Variants in EFCC1 observed in about 807,000 individuals in gnomAD.
The protein encoded by EFCC1 is EF-hand and coiled-coil domain containing 1.
A neutral mutation model predicts 52.1 loss-of-function variants in EFCC1; 50 were observed. That is an observed-to-expected ratio of 0.96 (90% CI 0.76 to 1.21). The LOEUF is 1.21. Among genes scored for constraint, EFCC1 ranks in the 50% most tolerant of loss-of-function variants. The pLI is 0.00. For synonymous variants in EFCC1, 399 were observed against 396.5 expected, an observed-to-expected ratio of 1.01 and a Z score of -0.08; for missense variants, 837 against 867.3, an observed-to-expected ratio of 0.97 and a Z score of 0.44.
At chr3:129,035,770 T>C (rs1339869872) in intron 5 of EFCC1, among the ~76,000 whole-genome samples, 1 of 152,176 alleles carries the variant, frequency 6.6e-6, no homozygotes, top group Admixed American at 6.5e-5. Context: ...ATGGCGGTTA[T>C]GTGCTGAAGC....
intron 2 of EFCC1, among the ~76,000 whole-genome samples, chr3:129,006,233 T>C (rs984329138): frequency 9.9e-5 from 15 of 152,198 alleles, no homozygotes; most frequent in African/African-American, 3.6e-4. Flanking sequence ...CCTCCAGACC[T>C]TGCATCTGCT....
chr3:129,004,896 G>C (rs1380306023), intron 2 of EFCC1, among the ~76,000 whole-genome samples: 1 of 152,142 alleles, frequency 6.6e-6, no homozygotes, highest in African/African-American at 2.4e-5. Context: ...ACGTGTGAGT[G>C]TGGGCAAGTC....
rs375607681 is a variant in EFCC1, at chr3:129,021,971, G to A, written c.981-8732G>A. 7.9e-5 allele frequency among the ~76,000 whole-genome samples: 12 copies of A among 152,266 alleles called. No homozygotes were observed. In the South Asian group the frequency reaches 1.0e-3, roughly 13 times the overall value. Reference sequence around the variant, plus strand: ...CACAGGGCCATTGTAGAAAGAGGGCGTCAGTGTGTTAGGGTTGGGGTCCTC... The same window carrying A: ...CACAGGGCCATTGTAGAAAGAGGGCATCAGTGTGTTAGGGTTGGGGTCCTC... On this transcript the variant is annotated intron_variant, in intron 2 of 7. Transcript: ENST00000683648.
chr3:129,030,316 TG>T lies in EFCC1; in HGVS notation c.981-386del, dbSNP rs1946245764. On this transcript the variant is annotated intron_variant, in intron 2 of 7. Transcript: ENST00000683648. ...AACAGCTAAAAGACATTAAGGCTTT[TG>T]TTCAGCTATTCAGTAATTCTCTCAG... The T allele has an allele frequency of 1.2e-5, 2 of 162,090 alleles. 1 individual carries two copies. Among genetic ancestry groups the T allele is most frequent in the African/African-American group, 4.8e-5 (2 of 41,840 alleles). The allele number at this position is 162,090 out of a possible 1,614,324, so 10.0% of individuals were successfully genotyped here.
rs771025629 is a variant in EFCC1 at position 129,010,232 on chromosome 3, C to T, written c.980+6155C>T. Among the ~76,000 whole-genome samples, 2 of 152,256 alleles carry T rather than the reference C, an allele frequency of 1.3e-5. No individual in the cohort carries two copies. The highest frequency in any genetic ancestry group is 2.4e-5 in the African/African-American group (1 of 41,466). The stretch of plus-strand genomic sequence containing the variant: ...GGTCTCTGGTGGGTTTGTGACATCT[C>T]GTCCTTTTGAAACCGCCCATATCTC... On this transcript the variant is annotated intron_variant, in intron 2 of 7. Coordinates refer to ENST00000683648, the MANE Select transcript of EFCC1 (RefSeq NM_001377500.1). This position sits in a 1 kb window ranked among gnomAD's most constrained non-coding sequence, Gnocchi z 4.3.
intron 2 of EFCC1, 49 bp downstream of exon 2, chr3:129,004,126 A>C: frequency 7.1e-7 from 1 of 1,418,294 alleles, no homozygotes; most frequent in Non-Finnish European, 9.2e-7. Flanking sequence ...TTCGGCTCCC[A>C]TTTTCCCAAA....
At position 129,004,034 on chromosome 3, in the gene EFCC1, C is replaced by T. The variant is rs546752344; in HGVS notation, c.937C>T (p.Gln313Ter). 3.3e-6 allele frequency: 5 copies of T among 1,511,076 alleles called. No individual in the cohort carries two copies. The highest frequency in any genetic ancestry group is 1.2e-5 in the South Asian group (1 of 82,862). The allele number at this position is 1,511,076 out of a possible 1,614,324, so 93.6% of individuals were successfully genotyped here. ...GCTGGCGCAACAGGTGCCCGGCTTG[C>T]AGCGCTGGGTGCGGCGGCTGGAGGC... ...EALAQQVPGL[Q>*]RWVRRLEAEL... is the part of the protein sequence containing the mutation. The change falls in exon 2 of 8, where the codon CAG becomes TAG. Residue 313 changes from glutamine (Q) to a stop codon, truncating the protein, a stop_gained. Transcript: ENST00000683648. LOFTEE classifies it high-confidence loss of function.
chr3:129,002,190 G>T lies in EFCC1; in HGVS notation c.562G>T (p.Ala188Ser), dbSNP rs1944813931. The change falls in exon 1 of 8, where the codon GCG becomes TCG. Residue 188 changes from alanine (A) to serine (S), a missense_variant. Physicochemically the swap from Ala to Ser is moderately conservative, Grantham distance 99 (BLOSUM62 1). Coordinates refer to ENST00000683648, the MANE Select transcript of EFCC1 (RefSeq NM_001377500.1). ...GCGCCGCCGCCGCCGCCCGCCCTGC[G>T]CGCCTGGCCCCGACAGCGGTCCTGA... ...RPRRRRRPPC[A>S]PGPDSGPDCE... is the part of the protein sequence containing the mutation. 2.7e-6 allele frequency: 4 copies of T among 1,497,914 alleles called. No homozygotes were observed. In the African/African-American group the frequency reaches 5.9e-5, roughly 22 times the overall value. The allele number at this position is 1,497,914 out of a possible 1,614,324, so 92.8% of individuals were successfully genotyped here.
intron 5 of EFCC1, among the ~76,000 whole-genome samples, chr3:129,035,526 G>A (rs1946344021): frequency 6.6e-6 from 1 of 152,232 alleles, no homozygotes; most frequent in Non-Finnish European, 1.5e-5. Context: ...AAGGTAGCAG[G>A]CCCTGGAGCG....
Position 129,010,233 on chromosome 3 carries a change from G to A in EFCC1, c.980+6156G>A, listed in dbSNP as rs775119665. Among the ~76,000 whole-genome samples, 1 of 152,224 alleles carries A rather than the reference G, an allele frequency of 6.6e-6. No individual in the cohort carries two copies. Among genetic ancestry groups the A allele is most frequent in the East Asian group, 1.9e-4 (1 of 5,192 alleles). On this transcript the variant is annotated intron_variant, in intron 2 of 7. Coordinates refer to ENST00000683648, the MANE Select transcript of EFCC1 (RefSeq NM_001377500.1). The surrounding 1 kb of genome is among the most constrained non-coding windows in gnomAD (Gnocchi z 4.3). ...GTCTCTGGTGGGTTTGTGACATCTC[G>A]TCCTTTTGAAACCGCCCATATCTCA...
chr3:129,002,058 C>T lies in EFCC1; in HGVS notation c.430C>T (p.Gln144Ter). ...CGAGCCGCCGGAGCTCACCTTCCGCCAGTTCCACGCGCGCCTCTGTGGCTA... is the reference window on the plus strand; with the variant it reads ...CGAGCCGCCGGAGCTCACCTTCCGCTAGTTCCACGCGCGCCTCTGTGGCTA... ...RAEPPELTFR[Q>*]FHARLCGYFG... The change falls in exon 1 of 8, where the codon CAG becomes TAG. Residue 144 changes from glutamine (Q) to a stop codon, truncating the protein, a stop_gained. Coordinates refer to ENST00000683648, the MANE Select transcript of EFCC1 (RefSeq NM_001377500.1). LOFTEE classifies it high-confidence loss of function. The T allele has an allele frequency of 1.9e-6, 3 of 1,539,866 alleles. No individual in the cohort carries two copies. Among genetic ancestry groups the T allele is most frequent in the Non-Finnish European group, 2.6e-6 (3 of 1,142,904 alleles).
chr3:129,001,932 G>A lies in EFCC1; in HGVS notation c.304G>A (p.Asp102Asn). 3 of 1,541,340 alleles carry A rather than the reference G, an allele frequency of 1.9e-6. No homozygotes were observed. The highest frequency in any genetic ancestry group is 2.6e-6 in the Non-Finnish European group (3 of 1,142,354). ...GATTAGQAAG[D>N]GNSRDVTPGD... Reference sequence around the variant, plus strand: ...CACCACGGCCGGGCAGGCAGCAGGTGACGGGAACTCCAGAGATGTGACCCC... The same window carrying A: ...CACCACGGCCGGGCAGGCAGCAGGTAACGGGAACTCCAGAGATGTGACCCC... Residue 102 changes from aspartate (D) to asparagine (N), a missense_variant, in exon 1 of 8, where the codon GAC becomes AAC. Transcript: ENST00000683648.
intron 2 of EFCC1, among the ~76,000 whole-genome samples, chr3:129,029,673 C>G (rs1946229000): frequency 6.6e-6 from 1 of 151,174 alleles, no homozygotes; most frequent in Non-Finnish European, 1.5e-5. Context: ...ACCTCCTGGG[C>G]TCCCAGGTTC....
At chr3:129,036,954 C>G (rs779572897) in intron 5 of EFCC1, 23 bp from the exon 6 acceptor site, 1 of 1,613,592 alleles carries the variant, frequency 6.2e-7, no homozygotes, top group Non-Finnish European at 8.5e-7. Flanking sequence ...GCAAAGTGAG[C>G]ACTGAGCCCC....
chr3:129,010,453 C>A lies in EFCC1; in HGVS notation c.980+6376C>A, dbSNP rs552336183. On this transcript the variant is annotated intron_variant, in intron 2 of 7. Transcript: ENST00000683648. The surrounding 1 kb of genome is among the most constrained non-coding windows in gnomAD (Gnocchi z 4.3). ...GCCGGAACAGGGAGGAGAGGCCTGG[C>A]GGCCTGGCCTCTGGCTTTGTTGTTG... is the stretch of plus-strand genomic sequence containing the variant. Among the ~76,000 whole-genome samples the A allele has an allele frequency of 1.5e-5, 2 of 136,780 alleles. No individual in the cohort carries two copies. Among genetic ancestry groups the A allele is most frequent in the Non-Finnish European group, 3.1e-5 (2 of 64,748 alleles). The allele number at this position is 136,780 out of a possible 152,430, so 89.7% of individuals were successfully genotyped here.
At position 129,037,062 on chromosome 3, in the gene EFCC1, T is replaced by C; in HGVS notation, c.1538T>C (p.Leu513Pro). ...MVETERVRLS[L>P]LEEKLVDVLQ... ...GAGACCGAGAGGGTGCGGCTGTCCC[T>C]GCTGGAGGAGAAGCTGGTGGACGTG... The change falls in exon 6 of 8, where the codon CTG (leucine) becomes CCG (proline). Residue 513 changes from leucine to proline, a missense_variant. Transcript: ENST00000683648. 6.2e-7 allele frequency: 1 copy of C among 1,613,426 alleles called. No homozygotes were observed. Among genetic ancestry groups the C allele is most frequent in the Non-Finnish European group, 8.5e-7 (1 of 1,179,838 alleles).
At position 129,026,282 on chromosome 3, in the gene EFCC1, A is replaced by T. The variant is rs117631944; in HGVS notation, c.981-4421A>T. On this transcript the variant is annotated intron_variant, in intron 2 of 7. Coordinates refer to ENST00000683648, the MANE Select transcript of EFCC1 (RefSeq NM_001377500.1). ...CCCCAGGCAGCCTGTGCCAGGAAAC[A>T]TTTAAACAGGCCCCTGGGGGTAAAA... 2.4e-3 allele frequency among the ~76,000 whole-genome samples: 370 copies of T among 152,350 alleles called. 8 individuals carry two copies. The highest frequency in any genetic ancestry group is 0.021 in the Admixed American group (327 of 15,300).
chr3:129,038,934 C>T (rs539551115), intron 7 of EFCC1, 34 bp downstream of exon 7: 1 of 1,594,718 alleles, frequency 6.3e-7, no homozygotes, highest in Admixed American at 1.7e-5. Context: ...AGAGCCCACG[C>T]AGTGGCTGGA....
rs1165460444 is a variant in EFCC1, at chr3:129,014,058, T to G, written c.980+9981T>G. On this transcript the variant is annotated intron_variant, in intron 2 of 7. Transcript: ENST00000683648. This position sits in a 1 kb window ranked among gnomAD's most constrained non-coding sequence, Gnocchi z 4.3. The stretch of plus-strand genomic sequence containing the variant: ...GACCCAGGAAGGGGCAGACAGAGTC[T>G]TCAGGCTCTTCATTTTGCCTCTTCA... Among the ~76,000 whole-genome samples the G allele has an allele frequency of 6.6e-6, 1 of 152,230 alleles. No homozygotes were observed. The highest frequency in any genetic ancestry group is 6.5e-5 in the Admixed American group (1 of 15,290).
Sources: gnomAD v4.1 joint callset for allele counts (sites outside exome capture counted in the v4.1 genomes callset) on GRCh38, gnomAD v4.1.1 for gene constraint, Gnocchi (gnomAD v3.1) non-coding constraint, MANE v1.5 for transcripts, NCBI Gene and HGNC (gene_info 2026-07-23, HGNC 2026-07-21) for gene names.